Variants in PCDHA3 observed in about 807,000 individuals in gnomAD.
The protein encoded by PCDHA3 is protocadherin alpha 3.
PCDHA3 carries 41 observed loss-of-function variants against 62.2 expected under a neutral mutation model. The observed-to-expected ratio is 0.66, with a 90% CI of 0.51 to 0.86. The LOEUF is 0.86. PCDHA3 is among the 40% of genes least tolerant of loss of function. PCDHA3 has a pLI of 0.00. For missense variants in PCDHA3, 1,304 were observed against 1,241.2 expected, an observed-to-expected ratio of 1.05 and a Z score of -0.76; for synonymous variants, 640 against 555.4, an observed-to-expected ratio of 1.15 and a Z score of -2.14.
rs2150412842 is a variant in PCDHA3 at position 140,848,560 on chromosome 5, C to A, written c.2394+44969C>A. 2.5e-6 allele frequency: 4 copies of A among 1,595,490 alleles called. No homozygotes were observed. The highest frequency in any genetic ancestry group is 3.4e-5 in the Admixed American group (2 of 59,252). On this transcript the variant is annotated intron_variant, in intron 1 of 3. Coordinates refer to ENST00000522353, the MANE Select transcript of PCDHA3 (RefSeq NM_018906.3). ...CTACTGCTCTCGCTTCTGATCCTCG[C>A]AATGTGGGTGGTGGGGAGCGGCCAG...
intron 1 of PCDHA3, chr5:140,966,660 A>G: frequency 8.2e-7 from 1 of 1,217,300 alleles, no homozygotes; most frequent in Non-Finnish European, 1.1e-6. Context: ...GCGGTGGGGG[A>G]GCAGGCGCAG....
intron 1 of PCDHA3, chr5:140,876,222 G>T (rs923525457): frequency 6.2e-7 from 1 of 1,613,972 alleles, no homozygotes; most frequent in Non-Finnish European, 8.5e-7. Flanking sequence ...ATAAAGTAGT[G>T]TTGTCTGAAA....
intron 1 of PCDHA3, among the ~76,000 whole-genome samples, chr5:140,903,774 C>A (rs1466112745): frequency 6.6e-6 from 1 of 152,122 alleles, no homozygotes; most frequent in African/African-American, 2.4e-5. Context: ...ACTTTTCTAT[C>A]CATAAACTAT....
chr5:140,838,280 A>ATTTTTTTTTT (rs34299325), intron 1 of PCDHA3, among the ~76,000 whole-genome samples: 1 of 139,572 alleles, frequency 7.2e-6, no homozygotes, highest in African/African-American at 2.7e-5. Flanking sequence ...AGCCATGCTA[A>ATTTTTTTTTT]TTTTTTTTTT....
chr5:140,861,353 T>C lies in PCDHA3; in HGVS notation c.2394+57762T>C, dbSNP rs79040493. The C allele has an allele frequency of 1.3e-3, 424 of 327,094 alleles. 1 individual carries two copies. Among genetic ancestry groups the C allele is most frequent in the African/African-American group, 8.5e-3 (393 of 46,466 alleles). The allele number at this position is 327,094 out of a possible 1,614,324, so 20.3% of individuals were successfully genotyped here. On this transcript the variant is annotated intron_variant, in intron 1 of 3. Coordinates refer to ENST00000522353, the MANE Select transcript of PCDHA3 (RefSeq NM_018906.3). ...CCTGGAAGAGGCCAAGGACGGCACA[T>C]AGCGTCTTCGCGGTCCCTATTGCGC...
At position 140,877,504 on chromosome 5, in the gene PCDHA3, A is replaced by T. The variant is rs532509235; in HGVS notation, c.2394+73913A>T. The T allele has an allele frequency of 1.1e-5, 18 of 1,613,764 alleles. No individual in the cohort carries two copies. The South Asian group carries it at 1.3e-4, about 12-fold the overall frequency. On this transcript the variant is annotated intron_variant, in intron 1 of 3. Coordinates refer to ENST00000522353, the MANE Select transcript of PCDHA3 (RefSeq NM_018906.3). ...GGTGGAGAACGGCCAGGCCCCAAAG[A>T]CGTCGTCGCGGGCCTCAGTGGGCGC...
chr5:140,875,553 G>A (rs1447542979), intron 1 of PCDHA3: 4 of 1,614,000 alleles, frequency 2.5e-6, no homozygotes, highest in African/African-American at 2.7e-5. Flanking sequence ...GGGAGGTGGG[G>A]AGCGGCCAGC....
chr5:140,880,385 A>T (rs191215782), intron 1 of PCDHA3, among the ~76,000 whole-genome samples: 86 of 152,346 alleles, frequency 5.6e-4, no homozygotes, highest in African/African-American at 2.1e-3. Context: ...ATAGAAAATA[A>T]TTTTTAAGAG....
chr5:140,967,299 G>T, intron 1 of PCDHA3: 3 of 1,612,674 alleles, frequency 1.9e-6, no homozygotes, highest in Non-Finnish European at 2.5e-6. Flanking sequence ...CCCGACGTGG[G>T]CGCCAACTCA....
rs185799175 is a variant in PCDHA3, at chr5:140,887,220, C to G, written c.2394+83629C>G. ...CACGCCATTCTCCTGCCTCAGCCTC[C>G]CGAGTAGCTGAGACTACCGGCGCCC... On this transcript the variant is annotated intron_variant, in intron 1 of 3. Coordinates refer to ENST00000522353, the MANE Select transcript of PCDHA3 (RefSeq NM_018906.3). Among the ~76,000 whole-genome samples, 14 of 152,078 alleles carry G rather than the reference C, an allele frequency of 9.2e-5. No individual in the cohort carries two copies. In the East Asian group the frequency reaches 2.7e-3, roughly 30 times the overall value.
intron 1 of PCDHA3, among the ~76,000 whole-genome samples, chr5:140,954,247 A>T (rs782077145): frequency 2.6e-5 from 4 of 152,196 alleles, no homozygotes; most frequent in Non-Finnish European, 4.4e-5. Context: ...ATGAACATAC[A>T]CATGCAGGTA....
intron 1 of PCDHA3, chr5:140,968,016 A>G: frequency 6.2e-7 from 1 of 1,613,240 alleles, no homozygotes; most frequent in Non-Finnish European, 8.5e-7. Flanking sequence ...GGCTTTGGAA[A>G]CTCCTATACA....
chr5:140,875,100 G>A (rs558585314), intron 1 of PCDHA3, among the ~76,000 whole-genome samples: 2 of 152,240 alleles, frequency 1.3e-5, no homozygotes, highest in Admixed American at 6.5e-5. Context: ...TTGATGTTTT[G>A]TTACTAATAT....
At chr5:140,822,741 G>A (rs144515035) in intron 1 of PCDHA3, 8 of 1,613,400 alleles carry the variant, frequency 5.0e-6, no homozygotes, top group East Asian at 2.2e-5. Flanking sequence ...TTGATGCCAT[G>A]GATAAAAGTA....
At chr5:140,815,474 C>T (rs1440503141) in intron 1 of PCDHA3, 1 of 152,080 alleles carries the variant, frequency 6.6e-6, no homozygotes, top group Non-Finnish European at 1.5e-5. Context: ...ATGTTTACTT[C>T]TCCCCTACCC....
At chr5:140,895,026 A>G (rs549013601) in intron 1 of PCDHA3, among the ~76,000 whole-genome samples, 5 of 152,096 alleles carry the variant, frequency 3.3e-5, no homozygotes, top group African/African-American at 1.2e-4. Flanking sequence ...CCTTTGTTTA[A>G]TTGTCCCCCA....
chr5:140,808,807 C>T (rs7707144), intron 1 of PCDHA3: 12 of 1,612,656 alleles, frequency 7.4e-6, no homozygotes, highest in Non-Finnish European at 8.5e-6. Flanking sequence ...CTCGCGATGC[C>T]GGCGTGCCAC....
intron 1 of PCDHA3, chr5:140,808,871 G>A: frequency 3.7e-6 from 6 of 1,613,166 alleles, no homozygotes; most frequent in Non-Finnish European, 5.1e-6. Flanking sequence ...AAACGACAAC[G>A]CGCCAGCACT....
intron 1 of PCDHA3, among the ~76,000 whole-genome samples, chr5:140,938,665 G>A (rs542703903): frequency 7.1e-4 from 108 of 152,106 alleles, no homozygotes; most frequent in Admixed American, 1.2e-3. Context: ...ATTAGACTTA[G>A]TTTCCTAACA....
Sources: gnomAD v4.1 joint callset for allele counts (sites outside exome capture counted in the v4.1 genomes callset) on GRCh38, gnomAD v4.1.1 for gene constraint, MANE v1.5 for transcripts, NCBI Gene and HGNC (gene_info 2026-07-23, HGNC 2026-07-21) for gene names.